The following CSE1L variants were observed in gnomAD, a reference collection of about 807,000 sequenced individuals.
CSE1L encodes the protein exportin-2.
CSE1L carries 24 observed loss-of-function variants against 120.4 expected under a neutral mutation model. That is an observed-to-expected ratio of 0.20 (90% CI 0.14 to 0.28). The LOEUF (loss-of-function observed/expected upper bound fraction) is 0.28. Ranked by LOEUF, CSE1L falls within the 10% of genes least tolerant of loss-of-function variation. The pLI is 1.00. For synonymous variants in CSE1L, 402 were observed against 398.3 expected (o/e 1.01, Z -0.11); for missense variants, 830 against 1,145.2 (o/e 0.72, Z 3.97).
chr20:49,095,013 G>C (rs368094348), intron 24 of CSE1L, 50 bp downstream of exon 24: 2 of 1,405,376 alleles, frequency 1.4e-6, no homozygotes, highest in African/African-American at 1.4e-5. Context: ...TTTAATGGGA[G>C]GGCAAAAGGA....
intron 1 of CSE1L, among the ~76,000 whole-genome samples, chr20:49,048,499 A>C (rs1193761374): frequency 6.6e-6 from 1 of 152,194 alleles, no homozygotes; most frequent in Non-Finnish European, 1.5e-5. Context: ...TGACAGAATT[A>C]TGTGACAGGT....
chr20:49,060,184 TAA>T (rs397839598), intron 2 of CSE1L, among the ~76,000 whole-genome samples: 29,732 of 133,296 alleles, frequency 0.22, 3,139 homozygotes, highest in Non-Finnish European at 0.26. Flanking sequence ...AATCTTGTCT[TAA>T]AAAAAAAAAA....
intron 2 of CSE1L, 95 bp from the exon 3 acceptor site, chr20:49,063,105 TTC>T (rs1427931930): frequency 5.0e-6 from 3 of 602,462 alleles, no homozygotes; most frequent in Non-Finnish European, 7.0e-6. Context: ...ACCTAATCTT[TTC>T]TCTTTTTTTG....
At chr20:49,091,962 G>A in intron 21 of CSE1L, 84 bp from the exon 22 acceptor site, 1 of 729,068 alleles carries the variant, frequency 1.4e-6, no homozygotes, top group East Asian at 2.7e-5. Flanking sequence ...TAATGATTAA[G>A]CATAGGTTTA....
chr20:49,048,619 G>C (rs997295370), intron 1 of CSE1L, among the ~76,000 whole-genome samples: 6 of 152,146 alleles, frequency 3.9e-5, no homozygotes, highest in African/African-American at 1.4e-4. Context: ...TCAAGGACAG[G>C]AACCGGCTTG....
intron 1 of CSE1L, among the ~76,000 whole-genome samples, chr20:49,047,009 T>G (rs1244784874): frequency 6.6e-6 from 1 of 152,242 alleles, no homozygotes; most frequent in Admixed American, 6.5e-5. Flanking sequence ...GATCTCACTT[T>G]GCTGAATTGT....
At chr20:49,083,989 A>G in intron 14 of CSE1L, 37 bp from the exon 15 acceptor site, 2 of 1,584,518 alleles carry the variant, frequency 1.3e-6, no homozygotes, top group Middle Eastern at 1.8e-4. Context: ...ATATGGAATC[A>G]TTGCATTTAG....
chr20:49,072,289 G>A lies in CSE1L; in HGVS notation c.772G>A (p.Glu258Lys), dbSNP rs374801773. The A allele has an allele frequency of 6.2e-7, 1 of 1,613,734 alleles. No individual in the cohort carries two copies. The highest frequency in any genetic ancestry group is 1.3e-5 in the African/African-American group (1 of 74,902). Reference protein sequence around the residue: ...LDNKLLQTDDEEEAGLLELLK... With the variant: ...LDNKLLQTDDKEEAGLLELLK... The stretch of plus-strand genomic sequence containing the variant: ...TTTTTGTTTTCTTTTATGTGAGGAT[G>A]AAGAGGAAGCCGGCTTATTGGAGCT... The change falls in exon 9 of 25, where the codon GAA becomes AAA. Residue 258 changes from glutamate (E) to lysine (K), a missense_variant. By Grantham distance (56) the Glu-to-Lys change is moderately conservative (BLOSUM62 1). Around this residue, in one of 4 missense-constraint regions of CSE1L, gnomAD observed 543 missense variants for 640.2 expected, o/e 0.85. Coordinates refer to ENST00000262982, the MANE Select transcript of CSE1L (RefSeq NM_001316.4).
intron 17 of CSE1L, 137 bp from the exon 18 acceptor site, chr20:49,089,110 A>G: frequency 1.4e-6 from 1 of 711,432 alleles, no homozygotes; most frequent in South Asian, 3.1e-5. Context: ...ATTCAAATGA[A>G]CAAGCACTAG....
chr20:49,080,032 C>G (rs1026449293), intron 14 of CSE1L, among the ~76,000 whole-genome samples: 8 of 152,120 alleles, frequency 5.3e-5, no homozygotes, highest in African/African-American at 1.9e-4. Flanking sequence ...CAAGATCATG[C>G]CATTGCACTC....
intron 2 of CSE1L, among the ~76,000 whole-genome samples, chr20:49,060,340 G>A (rs2091842175): frequency 6.6e-6 from 1 of 151,746 alleles, no homozygotes; most frequent in African/African-American, 2.4e-5. Flanking sequence ...AAATTAGCTG[G>A]GCGTGGTGGT....
chr20:49,095,895 A>G (rs1256877151), intron 24 of CSE1L, among the ~76,000 whole-genome samples: 1 of 152,094 alleles, frequency 6.6e-6, no homozygotes, highest in African/African-American at 2.4e-5. Flanking sequence ...GTGTGTATAT[A>G]TATGTATATA....
In CSE1L at chr20:49,072,315, C is replaced by G. The variant is rs568682132; in HGVS notation, c.798C>G (p.Leu266=). The G allele has an allele frequency of 2.5e-6, 4 of 1,614,066 alleles. No individual in the cohort carries two copies. The African/African-American group carries it at 5.3e-5, about 22-fold the overall frequency. The change falls in exon 9 of 25, where the codon CTC becomes CTG. Residue 266 remains leucine, a synonymous_variant. Coordinates refer to ENST00000262982, the MANE Select transcript of CSE1L (RefSeq NM_001316.4). ...AAGAGGAAGCCGGCTTATTGGAGCTCTTAAAATCCCAGATTTGTGATAATG... is the reference window on the plus strand; with the variant it reads ...AAGAGGAAGCCGGCTTATTGGAGCTGTTAAAATCCCAGATTTGTGATAATG... ...DDEEEAGLLE[L]LKSQICDNAA...
At chr20:49,089,802 G>C in intron 19 of CSE1L, 56 bp downstream of exon 19, 4 of 1,497,966 alleles carry the variant, frequency 2.7e-6, no homozygotes, top group Non-Finnish European at 3.7e-6. Context: ...AGAAACTGGG[G>C]ATGGCAGATG....
At chr20:49,078,716 C>T in intron 14 of CSE1L, 94 bp downstream of exon 14, 1 of 729,858 alleles carries the variant, frequency 1.4e-6, no homozygotes, top group South Asian at 2.2e-5. Flanking sequence ...ATTTTATATC[C>T]ACATCTAACA....
chr20:49,054,421 G>A (rs1474401938), intron 1 of CSE1L, among the ~76,000 whole-genome samples: 3 of 152,112 alleles, frequency 2.0e-5, no homozygotes, highest in Non-Finnish European at 4.4e-5. Context: ...CTATTGTGTT[G>A]TGAGTGCTTT....
chr20:49,089,223 T>C, intron 17 of CSE1L, 24 bp from the exon 18 acceptor site: 1 of 1,490,342 alleles, frequency 6.7e-7, no homozygotes, highest in Non-Finnish European at 9.0e-7. Context: ...TTAGCATAAT[T>C]AGGTTTTTTT....
chr20:49,065,726 T>C (rs1348630965), intron 3 of CSE1L, among the ~76,000 whole-genome samples: 1 of 148,926 alleles, frequency 6.7e-6, no homozygotes. Context: ...CCCGAGTAAC[T>C]GGGATTATAG....
At chr20:49,094,600 A>G (rs2092125756) in intron 23 of CSE1L, 132 bp from the exon 24 acceptor site, 1 of 672,402 alleles carries the variant, frequency 1.5e-6, no homozygotes. Context: ...GAAAAGAACC[A>G]TCTTAATTTC....
Sources: allele counts gnomAD v4.1 joint callset (sites outside exome capture counted in the v4.1 genomes callset), GRCh38; gene constraint gnomAD v4.1.1; regional missense constraint gnomAD v4.1.1; transcripts MANE v1.5; gene names NCBI Gene and HGNC (gene_info 2026-07-23, HGNC 2026-07-21).